The following MGST1 variants were observed in gnomAD, a reference collection of about 807,000 sequenced individuals.
The protein encoded by MGST1 is microsomal glutathione S-transferase 1, also known as glutathione S-transferase 12.
Under a neutral mutation model 8.9 loss-of-function variants are expected in MGST1, and 5 were observed. The observed-to-expected ratio is 0.56, with a 90% confidence interval of 0.29 to 1.19. MGST1 has a LOEUF of 1.19. MGST1 is among the 50% of genes most tolerant of loss of function. The probability of loss-of-function intolerance (pLI) is 0.08; values close to 1 mark genes in which losing one functional copy is unlikely to be tolerated. For missense variants in MGST1, 182 were observed against 187.4 expected (o/e 0.97, Z 0.17); for synonymous variants, 54 against 67.8 (o/e 0.80, Z 1.00).
chr12:16,590,259 G>C (rs1295782053), downstream of MGST1, among the ~76,000 whole-genome samples: 1 of 152,030 alleles, frequency 6.6e-6, no homozygotes, highest in East Asian at 1.9e-4. Flanking sequence ...CTAGGATTAA[G>C]GTTAGTGGGT....
intron 1 of MGST1, among the ~76,000 whole-genome samples, chr12:16,415,901 A>G (rs865835368): frequency 1.3e-5 from 2 of 152,228 alleles, no homozygotes; most frequent in African/African-American, 4.8e-5. Flanking sequence ...TAGAAAAATT[A>G]TAGATAAAAT....
chr12:16,348,172 C>G (rs1326544805), intron 1 of MGST1, among the ~76,000 whole-genome samples: 1 of 152,176 alleles, frequency 6.6e-6, no homozygotes, highest in African/African-American at 2.4e-5. Context: ...GCAGGATTTG[C>G]TCTTCTGAGT....
At chr12:16,566,062 T>G (rs1455957148) in intron 4 of MGST1, among the ~76,000 whole-genome samples, 1 of 121,348 alleles carries the variant, frequency 8.2e-6, no homozygotes, top group Non-Finnish European at 1.7e-5. Context: ...TATTCAGCCA[T>G]AAAAAAGAAT....
chr12:16,364,781 T>C (rs1410261523), downstream of MGST1, among the ~76,000 whole-genome samples: 1 of 152,190 alleles, frequency 6.6e-6, no homozygotes, highest in Non-Finnish European at 1.5e-5. This position sits in a 1 kb window ranked among gnomAD's most constrained non-coding sequence, Gnocchi z 5.7. Context: ...ATAACTACTT[T>C]ATTTTTGATC....
chr12:16,436,802 C>G (rs1244884971), intron 1 of MGST1, among the ~76,000 whole-genome samples: 2 of 151,942 alleles, frequency 1.3e-5, no homozygotes, highest in Non-Finnish European at 2.9e-5. Flanking sequence ...AGCTAGCTAG[C>G]AGCTGAAGCA....
chr12:16,402,222 A>T (rs923789261), intron 1 of MGST1: 4 of 1,587,086 alleles, frequency 2.5e-6, no homozygotes, highest in African/African-American at 2.7e-5. Context: ...ATCACAAAAG[A>T]CCATGGTAGT....
downstream of MGST1, among the ~76,000 whole-genome samples, chr12:16,369,263 C>A (rs893512018): frequency 6.6e-6 from 1 of 152,032 alleles, no homozygotes; most frequent in Non-Finnish European, 1.5e-5. This position sits in a 1 kb window ranked among gnomAD's most constrained non-coding sequence, Gnocchi z 4.8. Context: ...AATACTTTAC[C>A]TACTGTATTA....
chr12:16,536,090 T>A (rs1340754529), intron 4 of MGST1, among the ~76,000 whole-genome samples: 1 of 150,468 alleles, frequency 6.6e-6, no homozygotes, highest in Non-Finnish European at 1.5e-5. Context: ...TGAGTGTGTG[T>A]GTGTGTGTGT....
At chr12:16,382,667 G>C (rs1940467707), upstream of MGST1, among the ~76,000 whole-genome samples, 1 of 152,218 alleles carries the variant, frequency 6.6e-6, no homozygotes, top group Non-Finnish European at 1.5e-5. Flanking sequence ...CTTCAAAGCT[G>C]TCAGACAGGG....
chr12:16,368,029 C>G (rs1377194297), downstream of MGST1, among the ~76,000 whole-genome samples: 1 of 149,630 alleles, frequency 6.7e-6, no homozygotes, highest in African/African-American at 2.5e-5. Context: ...CTTGGCATGT[C>G]TATGCTGAGT....
At chr12:16,378,190 C>CT (rs1591711720), downstream of MGST1, among the ~76,000 whole-genome samples, 2 of 152,228 alleles carry the variant, frequency 1.3e-5, no homozygotes, top group South Asian at 2.1e-4. Flanking sequence ...GTTGCCATTG[C>CT]TTTTTGTGTT....
At chr12:16,574,088 G>GA (rs913614192) in intron 4 of MGST1, 6 of 151,880 alleles carry the variant, frequency 4.0e-5, no homozygotes, top group African/African-American at 1.5e-4. Flanking sequence ...GATCCCTTTG[G>GA]AAAACCAACC....
intron 1 of MGST1, among the ~76,000 whole-genome samples, chr12:16,415,451 C>T (rs1940779922): frequency 6.6e-6 from 1 of 152,114 alleles, no homozygotes; most frequent in Admixed American, 6.6e-5. Flanking sequence ...CCTTTGCCAC[C>T]CCTGAGAGAG....
At chr12:16,534,161 AT>A (rs1300488679) in intron 4 of MGST1, among the ~76,000 whole-genome samples, 1 of 152,228 alleles carries the variant, frequency 6.6e-6, no homozygotes, top group Non-Finnish European at 1.5e-5. Flanking sequence ...ACAATAAAAA[AT>A]CATTGATAAA....
intron 1 of MGST1, among the ~76,000 whole-genome samples, chr12:16,388,147 G>T (rs117625050): frequency 1.3e-5 from 2 of 151,022 alleles, no homozygotes; most frequent in East Asian, 2.0e-4. Flanking sequence ...TGCCATAAAA[G>T]TGATGACAAA....
At chr12:16,359,944 C>A (rs1939909630) in intron 3 of MGST1, among the ~76,000 whole-genome samples, 1 of 152,212 alleles carries the variant, frequency 6.6e-6, no homozygotes, top group Non-Finnish European at 1.5e-5. Flanking sequence ...TGGGATTGTA[C>A]TTTTAGAGGA....
chr12:16,562,039 C>T (rs1942426322), intron 4 of MGST1, among the ~76,000 whole-genome samples: 1 of 152,072 alleles, frequency 6.6e-6, no homozygotes, highest in South Asian at 2.1e-4. Context: ...CCTTCATGTT[C>T]TCCTTTTGTA....
intron 3 of MGST1, among the ~76,000 whole-genome samples, chr12:16,373,103 A>G (rs372396795): frequency 2.0e-5 from 3 of 150,976 alleles, no homozygotes; most frequent in East Asian, 3.9e-4. Context: ...ATTTGAAACA[A>G]CATGGATAGA....
intron 4 of MGST1, among the ~76,000 whole-genome samples, chr12:16,492,876 C>T (rs189674740): frequency 2.0e-3 from 311 of 152,232 alleles, no homozygotes; most frequent in African/African-American, 7.2e-3. Context: ...TTTCATAAGA[C>T]ACAAGCTACT....
Sources: gnomAD v4.1 joint callset for allele counts (sites outside exome capture counted in the v4.1 genomes callset) on GRCh38, gnomAD v4.1.1 for gene constraint, Gnocchi (gnomAD v3.1) non-coding constraint, MANE v1.5 for transcripts, NCBI Gene and HGNC (gene_info 2026-07-23, HGNC 2026-07-21) for gene names.